The following MAOB variants were observed in gnomAD, a reference collection of about 807,000 sequenced individuals.
MAOB encodes amine oxidase [flavin-containing] B.
Under a neutral mutation model 41.9 loss-of-function variants are expected in MAOB, and 15 were observed. The ratio of observed to expected loss-of-function variants is 0.36; its 90% CI spans 0.24 to 0.55. The LOEUF (loss-of-function observed/expected upper bound fraction) is 0.55, where lower values mean the gene tolerates loss of function less well. MAOB is among the 20% of genes least tolerant of loss of function. The pLI is 0.86. For missense variants in MAOB, 345 were observed against 398.7 expected (o/e 0.87, Z 1.15); for synonymous variants, 167 against 144.2 (o/e 1.16, Z -1.13).
chrX:43,851,559 G>A (rs764028032), intron 1 of MAOB, among the ~76,000 whole-genome samples: 5 of 111,422 alleles, frequency 4.5e-5, no homozygotes, highest in South Asian at 3.8e-4. Flanking sequence ...GCCCTCCTAC[G>A]GATTACCAAC....
chrX:43,850,304 T>C (rs2035241944), intron 1 of MAOB: 1 of 721,631 alleles, frequency 1.4e-6, no homozygotes. Context: ...ATTAACTTTC[T>C]TGGAAAGAAT....
chrX:43,784,523 T>C (rs899361042), intron 8 of MAOB, among the ~76,000 whole-genome samples: 2 of 112,399 alleles, frequency 1.8e-5, no homozygotes, highest in Non-Finnish European at 3.8e-5. Flanking sequence ...ATCTTTTTTC[T>C]TCTCAGCAGT....
rs988819611 is a variant in MAOB at position 43,797,157 on chromosome X, T to C, written c.586A>G (p.Thr196Ala). 12 of 1,206,782 alleles carry C rather than the reference T, an allele frequency of 9.9e-6. No individual in the cohort carries two copies. Among genetic ancestry groups the C allele is most frequent in the Non-Finnish European group, 1.3e-5 (12 of 893,355 alleles). The change falls in exon 6 of 15, where the codon ACA becomes GCA. Residue 196 changes from threonine (T) to alanine (A), a missense_variant. Transcript: ENST00000378069. ...LWYVKQCGGT[T>A]RIISTTNGGQ... ...CCATTTGTTGTCGAGATGATTCTTG[T>C]TGTGCCTCCACACTGCTTCACATAC...
intron 5 of MAOB, among the ~76,000 whole-genome samples, chrX:43,801,589 G>T (rs751848152): frequency 8.9e-6 from 1 of 112,215 alleles, no homozygotes; most frequent in South Asian, 3.7e-4. Flanking sequence ...GTCTATACAA[G>T]CCTTCACAAT....
intron 3 of MAOB, among the ~76,000 whole-genome samples, chrX:43,804,950 G>A (rs1408506125): frequency 9.0e-6 from 1 of 111,676 alleles, no homozygotes; most frequent in East Asian, 2.8e-4. Flanking sequence ...CTATTGAGGT[G>A]TACTTTAGCT....
At chrX:43,835,427 T>A (rs2035061084) in intron 3 of MAOB, among the ~76,000 whole-genome samples, 1 of 112,106 alleles carries the variant, frequency 8.9e-6, no homozygotes, top group African/African-American at 3.2e-5. Flanking sequence ...GGAAAACACC[T>A]TCTAAATTAT....
At position 43,854,732 on chromosome X, in the gene MAOB, G is replaced by C. The variant is rs1010840021; in HGVS notation, c.47-10968C>G. 4.5e-5 allele frequency among the ~76,000 whole-genome samples: 5 copies of C among 111,319 alleles called. No individual in the cohort carries two copies. The East Asian group carries it at 1.4e-3, about 31-fold the overall frequency. On this transcript the variant is annotated intron_variant, in intron 1 of 14. Coordinates refer to ENST00000378069, the MANE Select transcript of MAOB (RefSeq NM_000898.5). ...GCTGTAAGCAACACAATAAAGGAGA[G>C]GCCTTTCTCCATTCAACACAGAGCA...
chrX:43,846,105 G>T lies in MAOB; in HGVS notation c.47-2341C>A, dbSNP rs368668198. Among the ~76,000 whole-genome samples, 4 of 112,162 alleles carry T rather than the reference G, an allele frequency of 3.6e-5. No individual in the cohort carries two copies. In the South Asian group the frequency reaches 1.1e-3, roughly 31 times the overall value. ...ACCACTTCTATTTAAATTCAAAATT[G>T]CAAACAATTCAATGACATTTTTCTT... is the stretch of plus-strand genomic sequence containing the variant. On this transcript the variant is annotated intron_variant, in intron 1 of 14. Transcript: ENST00000378069.
intron 3 of MAOB, among the ~76,000 whole-genome samples, chrX:43,811,955 T>G (rs1420689205): frequency 8.9e-6 from 1 of 111,733 alleles, no homozygotes; most frequent in African/African-American, 3.3e-5. Flanking sequence ...CTATTTTTTT[T>G]TATCCATTAA....
Position 43,802,033 on chromosome X carries a change from A to G in MAOB, c.476+139T>C. The G allele has an allele frequency of 1.2e-5, 6 of 520,100 alleles. No individual in the cohort carries two copies. In the South Asian group the frequency reaches 1.4e-4, roughly 12 times the overall value. 42.9% of individuals were successfully genotyped at this position (520,100 alleles called of 1,213,427 possible). A position where few individuals can be genotyped will look rare whatever the true frequency, so the allele number is the denominator to read the frequency against. ...ATCTTCAGGGTAGGAGCCAATTCCA[A>G]TGGTTTTCAGCATGCCACTGGCTGG... On this transcript the variant is annotated intron_variant, in intron 5 of 14. Transcript: ENST00000378069.
Position 43,797,206 on chromosome X carries a change from C to T in MAOB, c.537G>A (p.Glu179=). The change falls in exon 6 of 15, where the codon GAG becomes GAA. Residue 179 remains glutamate (E), a synonymous_variant. Transcript: ENST00000378069. Reference sequence around the variant, plus strand: ...ACCACAGGAACCAGAGAGCAGAGACCTCATGGGTCTCTGCAGTGACACACA... The same window carrying T: ...ACCACAGGAACCAGAGAGCAGAGACTTCATGGGTCTCTGCAGTGACACACA... ...VNLCVTAETH[E]VSALWFLWYV... 1 of 1,203,153 alleles carries T rather than the reference C, an allele frequency of 8.3e-7. No individual in the cohort carries two copies. Among genetic ancestry groups the T allele is most frequent in the Non-Finnish European group, 1.1e-6 (1 of 888,914 alleles).
At chrX:43,797,037 A>T in intron 6 of MAOB, 88 bp downstream of exon 6, 1 of 978,065 alleles carries the variant, frequency 1.0e-6, no homozygotes, top group Non-Finnish European at 1.4e-6. Context: ...CCTGCTTCCC[A>T]CTTCAGCAGT....
chrX:43,812,626 CTTCTT>C (rs1000743446), intron 3 of MAOB, among the ~76,000 whole-genome samples: 7 of 112,699 alleles, frequency 6.2e-5, no homozygotes, highest in African/African-American at 2.3e-4. Flanking sequence ...ATTTGGACGT[CTTCTT>C]TTGAGAAATG....
At chrX:43,767,653 C>T in intron 14 of MAOB, 35 bp from the exon 15 acceptor site, 2 of 1,156,077 alleles carry the variant, frequency 1.7e-6, no homozygotes, top group East Asian at 6.1e-5. Context: ...TAGTACAGGG[C>T]TTGTGCACTT....
chrX:43,810,040 G>A (rs1359858468), intron 3 of MAOB, among the ~76,000 whole-genome samples: 2 of 98,602 alleles, frequency 2.0e-5, no homozygotes, highest in African/African-American at 4.7e-5. Flanking sequence ...TCAGGAGATC[G>A]AGACCATCCT....
chrX:43,857,483 A>C (rs769839450), intron 1 of MAOB, among the ~76,000 whole-genome samples: 5 of 110,490 alleles, frequency 4.5e-5, no homozygotes, highest in Non-Finnish European at 7.6e-5. Flanking sequence ...CCTGGCCACA[A>C]ACTACCTATT....
At chrX:43,826,210 G>A (rs527499274) in intron 3 of MAOB, among the ~76,000 whole-genome samples, 5 of 111,842 alleles carry the variant, frequency 4.5e-5, no homozygotes, top group East Asian at 2.8e-4. Context: ...GGTGGGAGCC[G>A]GTGATGTTAA....
At chrX:43,783,276 T>A (rs942782363) in intron 8 of MAOB, among the ~76,000 whole-genome samples, 22 of 111,985 alleles carry the variant, frequency 2.0e-4, no homozygotes, top group African/African-American at 6.8e-4. Flanking sequence ...ATAATTGAAA[T>A]TCATAGAGTC....
At chrX:43,804,180 T>C (rs1249952370) in intron 3 of MAOB, among the ~76,000 whole-genome samples, 1 of 111,618 alleles carries the variant, frequency 9.0e-6, no homozygotes, top group Non-Finnish European at 1.9e-5. Flanking sequence ...GATAGCATCT[T>C]TCAACGGAAT....
Sources: allele counts gnomAD v4.1 joint callset (sites outside exome capture counted in the v4.1 genomes callset), GRCh38; gene constraint gnomAD v4.1.1; transcripts MANE v1.5; gene names NCBI Gene and HGNC (gene_info 2026-07-23, HGNC 2026-07-21).